GPAM: variants seen among roughly 807,000 people sequenced by gnomAD.
GPAM encodes glycerol-3-phosphate acyltransferase 1, mitochondrial.
A neutral mutation model predicts 105.0 loss-of-function variants in GPAM; 56 were observed. The observed-to-expected ratio is 0.53, with a 90% CI of 0.43 to 0.67. The LOEUF is 0.67. GPAM is among the 30% of genes least tolerant of loss of function. The probability of loss-of-function intolerance (pLI) is 0.00; values close to 1 mark genes in which losing one functional copy is unlikely to be tolerated. For missense variants in GPAM, 855 were observed against 989.8 expected, an observed-to-expected ratio of 0.86 and a Z score of 1.83; for synonymous variants, 368 against 354.4, an observed-to-expected ratio of 1.04 and a Z score of -0.43.
intron 4 of GPAM, among the ~76,000 whole-genome samples, chr10:112,179,708 T>C (rs1274365966): frequency 6.6e-6 from 1 of 152,190 alleles, no homozygotes; most frequent in Non-Finnish European, 1.5e-5. Flanking sequence ...GCAACCTCTA[T>C]AAATGGCAGG....
chr10:112,153,009 A>AT lies in GPAM; in HGVS notation c.*540dup. 1 of 438,810 alleles carries AT rather than the reference A, an allele frequency of 2.3e-6. No individual in the cohort carries two copies. Among genetic ancestry groups the AT allele is most frequent in the Non-Finnish European group, 3.1e-6 (1 of 325,478 alleles). The allele number at this position is 438,810 out of a possible 1,614,324, so 27.2% of individuals were successfully genotyped here. On this transcript the variant is annotated 3_prime_UTR_variant, in exon 22 of 22. Transcript: ENST00000348367. The stretch of plus-strand genomic sequence containing the variant: ...GGTGTGATATATATCAGTCCACTCA[A>AT]TTTATAAAGCACTTTGGGATAAAAG...
At chr10:112,178,528 C>T (rs4917627) in intron 4 of GPAM, among the ~76,000 whole-genome samples, 81,477 of 151,728 alleles carry the variant, frequency 0.54, 22,199 homozygotes, top group South Asian at 0.61. Flanking sequence ...CCAGCCTGGG[C>T]GACAAAGCAA....
intron 1 of GPAM, among the ~76,000 whole-genome samples, chr10:112,195,564 C>T (rs1027817892): frequency 6.6e-6 from 1 of 152,212 alleles, no homozygotes; most frequent in Admixed American, 6.5e-5. Context: ...CAGACTAAGG[C>T]AGGCCCCTTT....
At chr10:112,202,152 A>G (rs939945761) in intron 1 of GPAM, among the ~76,000 whole-genome samples, 3 of 152,234 alleles carry the variant, frequency 2.0e-5, no homozygotes, top group African/African-American at 7.2e-5. Context: ...ATGGCCAGAT[A>G]GTAAATATTT....
At chr10:112,192,404 A>G (rs914772762) in intron 1 of GPAM, among the ~76,000 whole-genome samples, 1 of 152,212 alleles carries the variant, frequency 6.6e-6, no homozygotes, top group Non-Finnish European at 1.5e-5. Flanking sequence ...TTTAAGTGCA[A>G]TAAAGAATCC....
upstream of GPAM, among the ~76,000 whole-genome samples, chr10:112,219,955 C>T (rs1848003284): frequency 6.6e-6 from 1 of 152,210 alleles, no homozygotes; most frequent in African/African-American, 2.4e-5. Flanking sequence ...AGCCTGAATT[C>T]TGCTAAGGTA....
chr10:112,151,384 T>G lies in GPAM; in HGVS notation c.*2166A>C. 1 of 985,790 alleles carries G rather than the reference T, an allele frequency of 1.0e-6. No homozygotes were observed. Among genetic ancestry groups the G allele is most frequent in the Middle Eastern group, 5.2e-4 (1 of 1,914 alleles). 61.1% of individuals were successfully genotyped at this position (985,790 alleles called of 1,614,324 possible). A position where few individuals can be genotyped will look rare whatever the true frequency, so the allele number is the denominator to read the frequency against. ...AAGAATGAGTTGTGCTGAAATTAAC[T>G]CAAAGGTCAGCTTGTCTGGATGAGC... On this transcript the variant is annotated 3_prime_UTR_variant, in exon 22 of 22. Transcript: ENST00000348367.
intron 3 of GPAM, 70 bp from the exon 4 acceptor site, chr10:112,180,665 T>A: frequency 1.4e-6 from 2 of 1,394,138 alleles, no homozygotes; most frequent in South Asian, 2.3e-5. Context: ...GATCTCAAAA[T>A]CTAAAGTATT....
At chr10:112,200,552 A>C (rs920293479) in intron 1 of GPAM, among the ~76,000 whole-genome samples, 14 of 152,036 alleles carry the variant, frequency 9.2e-5, no homozygotes, top group Non-Finnish European at 1.6e-4. Flanking sequence ...TTGGCCTTCC[A>C]AAGTGCTGGG....
At chr10:112,202,210 T>G (rs114986855) in intron 1 of GPAM, among the ~76,000 whole-genome samples, 2 of 152,220 alleles carry the variant, frequency 1.3e-5, no homozygotes, top group Non-Finnish European at 2.9e-5. Flanking sequence ...TCAACCCTTT[T>G]GTAGCATAAA....
chr10:112,168,372 T>C lies in GPAM; in HGVS notation c.1047A>G (p.Ile349Met). 1 of 1,611,106 alleles carries C rather than the reference T, an allele frequency of 6.2e-7. No individual in the cohort carries two copies. The highest frequency in any genetic ancestry group is 8.5e-7 in the Non-Finnish European group (1 of 1,177,234). Residue 349 changes from isoleucine to methionine, a missense_variant, in exon 11 of 22, where the codon ATA becomes ATG. Ile to Met is a conservative substitution (Grantham distance 10). Coordinates refer to ENST00000348367, the MANE Select transcript of GPAM (RefSeq NM_001244949.2). Reference protein sequence around the residue: ...LSTNVIPDILIIPVGISYDRI... With the variant: ...LSTNVIPDILMIPVGISYDRI... The stretch of plus-strand genomic sequence containing the variant: ...GATCATAGGAGATTCCAACAGGTAT[T>C]ATCAAGATGTCTGGGATGACATTGG...
chr10:112,213,257 C>T (rs58599456), intron 1 of GPAM, among the ~76,000 whole-genome samples: 4,803 of 152,236 alleles, frequency 0.032, 179 homozygotes, highest in African/African-American at 0.09. Flanking sequence ...GAAAAAAAAG[C>T]ATGGGCTCTG....
At chr10:112,155,788 T>A in intron 20 of GPAM, 76 bp downstream of exon 20, 1 of 928,202 alleles carries the variant, frequency 1.1e-6, no homozygotes, top group Non-Finnish European at 1.7e-6. Flanking sequence ...TTTTTCCAAT[T>A]TTCTACAATT....
intron 9 of GPAM, among the ~76,000 whole-genome samples, chr10:112,171,358 A>G (rs1402537055): frequency 6.6e-6 from 1 of 152,148 alleles, no homozygotes; most frequent in Non-Finnish European, 1.5e-5. Context: ...AAACAATACT[A>G]CAATTTAAAC....
chr10:112,210,007 C>A (rs547434168), intron 1 of GPAM, among the ~76,000 whole-genome samples: 12 of 152,202 alleles, frequency 7.9e-5, no homozygotes, highest in African/African-American at 2.9e-4. Context: ...TCTGCCTGTG[C>A]CTGGAGAGCC....
At position 112,160,832 on chromosome 10, in the gene GPAM, C is replaced by T. The variant is rs772930204; in HGVS notation, c.1531G>A (p.Val511Met). Residue 511 changes from valine to methionine, a missense_variant, in exon 16 of 22, where the codon GTG (valine) becomes ATG (methionine). Physicochemically the swap from Val to Met is conservative, Grantham distance 21. Coordinates refer to ENST00000348367, the MANE Select transcript of GPAM (RefSeq NM_001244949.2). ...DLSTLVEDFF[V>M]MKEEVLARDF... is the part of the protein sequence containing the mutation. ...CGAGCCAGGACTTCCTCTTTCATCA[C>T]AAAGAAGTCTTCGACCAATGTGGAG... 15 of 1,613,630 alleles carry T rather than the reference C, an allele frequency of 9.3e-6. No homozygotes were observed. The highest frequency in any genetic ancestry group is 3.3e-5 in the Admixed American group (2 of 60,000).
chr10:112,168,913 T>C lies in GPAM; in HGVS notation c.834A>G (p.Arg278=). ...GTCCATCTGGTGTTTCATCGAGCCTTCGTCGTATGAAGAAGCCCCCAAGCT... is the reference window on the plus strand; with the variant it reads ...GTCCATCTGGTGTTTCATCGAGCCTCCGTCGTATGAAGAAGCCCCCAAGCT... ...IHKLGGFFIR[R]RLDETPDGRK... The change falls in exon 10 of 22, where the codon CGA becomes CGG. Residue 278 remains arginine, a synonymous_variant. Coordinates refer to ENST00000348367, the MANE Select transcript of GPAM (RefSeq NM_001244949.2). 6.2e-7 allele frequency: 1 copy of C among 1,612,040 alleles called. No individual in the cohort carries two copies. Among genetic ancestry groups the C allele is most frequent in the South Asian group, 1.1e-5 (1 of 91,056 alleles).
At chr10:112,157,640 C>A (rs1847041869) in intron 18 of GPAM, among the ~76,000 whole-genome samples, 1 of 152,168 alleles carries the variant, frequency 6.6e-6, no homozygotes, top group Non-Finnish European at 1.5e-5. Flanking sequence ...CCCACATGTT[C>A]TAAATTGATA....
chr10:112,211,367 G>C (rs1847909108), intron 1 of GPAM, among the ~76,000 whole-genome samples: 1 of 152,122 alleles, frequency 6.6e-6, no homozygotes, highest in Non-Finnish European at 1.5e-5. Context: ...TCAGTCTTAG[G>C]AATCATTCAG....
Sources: allele counts gnomAD v4.1 joint callset (sites outside exome capture counted in the v4.1 genomes callset), GRCh38; gene constraint gnomAD v4.1.1; transcripts MANE v1.5; gene names NCBI Gene and HGNC (gene_info 2026-07-23, HGNC 2026-07-21).